The following TMEM260 variants were observed in gnomAD, a reference collection of about 807,000 sequenced individuals.
TMEM260 encodes the protein transmembrane protein 260.
TMEM260 carries 82 observed loss-of-function variants against 88.9 expected under a neutral mutation model. That is an observed-to-expected ratio of 0.92 (90% CI 0.77 to 1.11). TMEM260 has a LOEUF of 1.11. Among genes scored for constraint, TMEM260 ranks in the 50% least tolerant of loss-of-function variants. TMEM260 has a pLI of 0.00. For synonymous variants in TMEM260, 314 were observed against 309.3 expected (o/e 1.02, Z -0.16); for missense variants, 902 against 853.4 (o/e 1.06, Z -0.71).
At position 56,585,741 on chromosome 14, in the gene TMEM260, T is replaced by G. The variant is rs1160319402; in HGVS notation, c.193-20T>G. ...CTTTCCTAGATGAAAACCTTCTAAC[T>G]GTTGCTAATTTTTCCGTAGGTTGCC... On this transcript the variant is annotated intron_variant, in intron 2 of 15. Transcript: ENST00000261556. The G allele has an allele frequency of 6.2e-7, 1 of 1,609,328 alleles. No individual in the cohort carries two copies. Among genetic ancestry groups the G allele is most frequent in the African/African-American group, 1.3e-5 (1 of 74,698 alleles).
intron 9 of TMEM260, among the ~76,000 whole-genome samples, 188 bp downstream of exon 9, chr14:56,617,485 C>T (rs1269236162): frequency 1.2e-5 from 1 of 85,630 alleles, no homozygotes; most frequent in African/African-American, 7.2e-5. Flanking sequence ...AAAAAGAATG[C>T]AGTGTTTAAC....
At chr14:56,610,407 AT>A (rs930027349) in intron 6 of TMEM260, among the ~76,000 whole-genome samples, 8 of 151,462 alleles carry the variant, frequency 5.3e-5, no homozygotes, top group East Asian at 1.9e-4. Context: ...CACCTGGCTA[AT>A]TTTTTTTGTA....
intron 12 of TMEM260, among the ~76,000 whole-genome samples, chr14:56,626,546 C>T (rs1888254617): frequency 6.6e-6 from 1 of 152,070 alleles, no homozygotes; most frequent in Non-Finnish European, 1.5e-5. Context: ...ATACAACTAG[C>T]CATAATTTGG....
In TMEM260 at chr14:56,647,698, C is replaced by T. The variant is rs771968504; in HGVS notation, c.*201C>T. ...TATTTATGCAAAATTCTGTTTATCC[C>T]GTGTTACCAAATTACCATTTCAGTG... On this transcript the variant is annotated 3_prime_UTR_variant, in exon 16 of 16. Coordinates refer to ENST00000261556, the MANE Select transcript of TMEM260 (RefSeq NM_017799.4). 2.3e-5 allele frequency: 13 copies of T among 561,890 alleles called. No individual in the cohort carries two copies. The highest frequency in any genetic ancestry group is 3.6e-5 in the Non-Finnish European group (12 of 334,930). 34.8% of individuals were successfully genotyped at this position (561,890 alleles called of 1,614,324 possible). A position where few individuals can be genotyped will look rare whatever the true frequency, so the allele number is the denominator to read the frequency against.
At chr14:56,638,922 C>T (rs1428930089) in intron 15 of TMEM260, among the ~76,000 whole-genome samples, 1 of 151,878 alleles carries the variant, frequency 6.6e-6, no homozygotes, top group African/African-American at 2.4e-5. Context: ...AATATAATTC[C>T]ACATAACGAA....
chr14:56,595,607 A>T (rs150817665), intron 3 of TMEM260, among the ~76,000 whole-genome samples: 2 of 152,152 alleles, frequency 1.3e-5, no homozygotes, highest in Non-Finnish European at 2.9e-5. Context: ...AGCCTCCCAC[A>T]GACCTGGGAC....
rs1211256722 is a variant in TMEM260 at position 56,628,573 on chromosome 14, A to G, written c.1547+3043A>G. Among the ~76,000 whole-genome samples, 4 of 152,096 alleles carry G rather than the reference A, an allele frequency of 2.6e-5. No homozygotes were observed. The East Asian group carries it at 7.7e-4, about 29-fold the overall frequency. ...AATTGTCCTTATACTCTTTGCTACA[A>G]AGATTATCCTTTCTTCATTGCATTG... On this transcript the variant is annotated intron_variant, in intron 12 of 15. Coordinates refer to ENST00000261556, the MANE Select transcript of TMEM260 (RefSeq NM_017799.4).
chr14:56,638,766 G>GTAGGAT (rs1889329373), intron 15 of TMEM260, among the ~76,000 whole-genome samples: 1 of 152,048 alleles, frequency 6.6e-6, no homozygotes, highest in Non-Finnish European at 1.5e-5. Context: ...AGCTCATACA[G>GTAGGAT]AATATTAAGT....
chr14:56,593,334 T>C (rs1020230778), intron 3 of TMEM260: 8 of 152,206 alleles, frequency 5.3e-5, no homozygotes, highest in African/African-American at 9.7e-5. Flanking sequence ...TTTTAAACAC[T>C]TGACTGCCCT....
At chr14:56,656,675 T>C in the TMEM260 span, among the ~76,000 whole-genome samples, 1 of 152,198 alleles carries the variant, frequency 6.6e-6, no homozygotes, top group East Asian at 1.9e-4. Flanking sequence ...TTTGCTTGTC[T>C]CTCTAGTATG....
At chr14:56,595,947 GT>G (rs1886178361) in intron 3 of TMEM260, among the ~76,000 whole-genome samples, 1 of 151,942 alleles carries the variant, frequency 6.6e-6, no homozygotes, top group South Asian at 2.1e-4. Context: ...ATATCCCTTA[GT>G]TTCTGGAAGA....
chr14:56,662,896 C>T, the TMEM260 span, among the ~76,000 whole-genome samples: 4 of 152,106 alleles, frequency 2.6e-5, no homozygotes, highest in South Asian at 2.1e-4. Flanking sequence ...GGGAGGCCAA[C>T]GCGGGCGGAT....
chr14:56,593,639 A>T (rs1886008240), intron 3 of TMEM260, among the ~76,000 whole-genome samples: 1 of 150,246 alleles, frequency 6.7e-6, no homozygotes, highest in Admixed American at 6.6e-5. Context: ...AACAGTGTCA[A>T]AACTTGATTT....
In TMEM260 at chr14:56,621,537, TGACCAAAG is replaced by T; in HGVS notation, c.1240_1247del (p.Arg414LeufsTer4). The T allele has an allele frequency of 6.2e-7, 1 of 1,602,580 alleles. No individual in the cohort carries two copies. The highest frequency in any genetic ancestry group is 8.5e-7 in the Non-Finnish European group (1 of 1,175,558). ...TTTGGATCCTTTTATTTAGTGTTTG[TGACCAAAG>T]GACCAACTATGTGATTGATAAGTTC... is the stretch of plus-strand genomic sequence containing the variant. On this transcript the variant is annotated frameshift_variant, in exon 11 of 16. Coordinates refer to ENST00000261556, the MANE Select transcript of TMEM260 (RefSeq NM_017799.4). LOFTEE classifies it high-confidence loss of function.
intron 3 of TMEM260, among the ~76,000 whole-genome samples, chr14:56,589,634 A>C (rs1885727960): frequency 2.0e-5 from 3 of 152,190 alleles, no homozygotes; most frequent in African/African-American, 7.2e-5. Flanking sequence ...AGGTATATTG[A>C]AACTTTGCTT....
At chr14:56,641,422 A>G (rs933972289) in intron 15 of TMEM260, among the ~76,000 whole-genome samples, 5 of 152,336 alleles carry the variant, frequency 3.3e-5, no homozygotes, top group East Asian at 3.9e-4. Context: ...ACTAAGCTTC[A>G]TAAGTGAAGG....
At chr14:56,580,544 A>T (rs950701183) in intron 1 of TMEM260, among the ~76,000 whole-genome samples, 1 of 152,150 alleles carries the variant, frequency 6.6e-6, no homozygotes, top group Non-Finnish European at 1.5e-5. Flanking sequence ...AGTAGGAGGG[A>T]AATATGATTG....
chr14:56,617,578 A>G (rs915787402), intron 9 of TMEM260, among the ~76,000 whole-genome samples: 8 of 152,234 alleles, frequency 5.3e-5, no homozygotes, highest in Admixed American at 3.9e-4. Flanking sequence ...GTACAACTGC[A>G]TTTCTCCTGG....
chr14:56,646,175 A>G (rs1889953098), intron 15 of TMEM260, among the ~76,000 whole-genome samples: 1 of 152,236 alleles, frequency 6.6e-6, no homozygotes, highest in East Asian at 1.9e-4. Flanking sequence ...GTTATTAACT[A>G]TTGAAACAAT....
Sources: gnomAD v4.1 joint callset for allele counts (sites outside exome capture counted in the v4.1 genomes callset) on GRCh38, gnomAD v4.1.1 for gene constraint, MANE v1.5 for transcripts, NCBI Gene and HGNC (gene_info 2026-07-23, HGNC 2026-07-21) for gene names.